The following KIF5C variants were observed in gnomAD, a reference collection of about 807,000 sequenced individuals.
The protein encoded by KIF5C is kinesin family member 5C.
In KIF5C, 18 loss-of-function variants were observed where a neutral mutation model predicts 125.2. The observed-to-expected ratio is 0.14, with a 90% CI of 0.10 to 0.21. The LOEUF (loss-of-function observed/expected upper bound fraction) is 0.21, where lower values mean the gene tolerates loss of function less well. Among genes scored for constraint, KIF5C ranks in the 10% least tolerant of loss-of-function variants. The probability of loss-of-function intolerance (pLI) is 1.00; values close to 1 mark genes in which losing one functional copy is unlikely to be tolerated. For missense variants in KIF5C, 780 were observed against 1,183.8 expected, an observed-to-expected ratio of 0.66 and a Z score of 5.01; for synonymous variants, 405 against 434.0, an observed-to-expected ratio of 0.93 and a Z score of 0.83.
intron 1 of KIF5C, among the ~76,000 whole-genome samples, chr2:148,905,821 G>T (rs1449845235): frequency 6.6e-6 from 1 of 152,136 alleles, no homozygotes. Context: ...GTTCTGCATG[G>T]CTGGGGAGGC....
At chr2:148,892,301 A>G (rs1047670449) in intron 1 of KIF5C, among the ~76,000 whole-genome samples, 7 of 152,228 alleles carry the variant, frequency 4.6e-5, no homozygotes, top group African/African-American at 1.7e-4. Context: ...TTTGATGTCA[A>G]TCAAATGTGA....
At chr2:148,985,537 T>C (rs1681357635) in intron 15 of KIF5C, among the ~76,000 whole-genome samples, 1 of 152,230 alleles carries the variant, frequency 6.6e-6, no homozygotes, top group Admixed American at 6.5e-5. Context: ...TTTATAATAA[T>C]ACAGCATCTT....
chr2:148,944,834 A>G (rs1023115336), intron 7 of KIF5C, among the ~76,000 whole-genome samples: 2 of 152,134 alleles, frequency 1.3e-5, no homozygotes, highest in African/African-American at 4.8e-5. Context: ...TTATTTTTAT[A>G]ATAGCCATCC....
intron 7 of KIF5C, among the ~76,000 whole-genome samples, chr2:148,943,114 A>G (rs1247172556): frequency 6.6e-6 from 1 of 152,208 alleles, no homozygotes; most frequent in East Asian, 1.9e-4. Context: ...GTTATTGTTC[A>G]GGTTAAAAAA....
chr2:148,955,001 A>G (rs1287849021), intron 10 of KIF5C, among the ~76,000 whole-genome samples: 1 of 152,218 alleles, frequency 6.6e-6, no homozygotes, highest in Admixed American at 6.5e-5. Flanking sequence ...CATACATTTA[A>G]CTAGATGCCA....
intron 10 of KIF5C, among the ~76,000 whole-genome samples, chr2:148,952,911 G>A (rs918544339): frequency 4.6e-5 from 7 of 152,104 alleles, no homozygotes; most frequent in African/African-American, 1.7e-4. Context: ...AGTAGTAGAT[G>A]GGACTAGACT....
At chr2:148,994,624 C>T (rs193196123) in intron 17 of KIF5C, 86 bp downstream of exon 17, 3 of 1,455,050 alleles carry the variant, frequency 2.1e-6, no homozygotes, top group East Asian at 2.6e-5. Flanking sequence ...TGTTTAGTTT[C>T]GTTCAGTTAA....
chr2:148,987,246 G>A (rs1389143766), intron 15 of KIF5C, among the ~76,000 whole-genome samples: 1 of 152,220 alleles, frequency 6.6e-6, no homozygotes, highest in African/African-American at 2.4e-5. Flanking sequence ...AGGAAAACAT[G>A]TATGCAACAT....
rs545513592 is a variant in KIF5C, at chr2:149,025,086, A to G, written c.*2016A>G. The G allele has an allele frequency of 2.6e-5, 4 of 152,698 alleles. No homozygotes were observed. Among genetic ancestry groups the G allele is most frequent in the Non-Finnish European group, 5.9e-5 (4 of 68,028 alleles). 9.5% of individuals were successfully genotyped at this position (152,698 alleles called of 1,614,324 possible). A position where few individuals can be genotyped will look rare whatever the true frequency, so the allele number is the denominator to read the frequency against. On this transcript the variant is annotated 3_prime_UTR_variant, in exon 26 of 26. Coordinates refer to ENST00000435030, the MANE Select transcript of KIF5C (RefSeq NM_004522.3). ...TCCATCATAAAATAGATTGTTTTAGATTCTTTCCAGGGTGATTTTTCCCTG... is the reference window on the plus strand; with the variant it reads ...TCCATCATAAAATAGATTGTTTTAGGTTCTTTCCAGGGTGATTTTTCCCTG...
At chr2:148,899,668 T>A (rs11904160) in intron 1 of KIF5C, among the ~76,000 whole-genome samples, 1,749 of 126,916 alleles carry the variant, frequency 0.014, 31 homozygotes, top group African/African-American at 0.052. Flanking sequence ...GCGCCACTGC[T>A]CTCCGCCTGG....
intron 17 of KIF5C, among the ~76,000 whole-genome samples, chr2:148,995,537 A>G (rs752294813): frequency 1.3e-5 from 2 of 152,260 alleles, no homozygotes; most frequent in South Asian, 4.1e-4. Flanking sequence ...GTGCCATGCA[A>G]TGTGAAACTA....
intron 25 of KIF5C, among the ~76,000 whole-genome samples, chr2:149,018,163 C>T (rs1424219750): frequency 6.6e-6 from 1 of 151,154 alleles, no homozygotes; most frequent in African/African-American, 2.5e-5. Flanking sequence ...GTAGTGCATG[C>T]CTGTAGCTCC....
intron 10 of KIF5C, among the ~76,000 whole-genome samples, chr2:148,955,038 G>A (rs1380722980): frequency 1.3e-5 from 2 of 152,152 alleles, no homozygotes; most frequent in African/African-American, 4.8e-5. Context: ...ATTTCTGAAT[G>A]TTTCTCAGGA....
Position 148,962,109 on chromosome 2 carries a change from G to A in KIF5C, c.1107G>A (p.Arg369=), listed in dbSNP as rs565198762. 6 of 1,606,678 alleles carry A rather than the reference G, an allele frequency of 3.7e-6. No individual in the cohort carries two copies. The African/African-American group carries it at 4.0e-5, about 11-fold the overall frequency. The stretch of plus-strand genomic sequence containing the variant: ...AGCATCTGGAGATGGAGCTAAACAG[G>A]TGGAGGAATGGTAAGGAAAAGTAAG... ...VIQHLEMELN[R]WRNGEAVPED... is the part of the protein sequence containing the mutation. The change falls in exon 11 of 26, where the codon AGG becomes AGA. Residue 369 remains arginine, a synonymous_variant. Coordinates refer to ENST00000435030, the MANE Select transcript of KIF5C (RefSeq NM_004522.3).
chr2:148,909,295 C>T (rs1452631353), intron 1 of KIF5C, among the ~76,000 whole-genome samples: 1 of 152,238 alleles, frequency 6.6e-6, no homozygotes, highest in Non-Finnish European at 1.5e-5. Flanking sequence ...GCCTGCAGTG[C>T]CCTGCCGCTG....
intron 22 of KIF5C, 34 bp from the exon 23 acceptor site, chr2:149,007,929 A>G: frequency 1.3e-6 from 2 of 1,535,050 alleles, no homozygotes; most frequent in Non-Finnish European, 1.8e-6. Context: ...GGTGGGTGAC[A>G]GCCTGTCCTG....
rs369588869 is a variant in KIF5C at position 149,017,586 on chromosome 2, C to T, written c.*8-5492C>T. ...GTTCAAATGTCTCCACCAGATGGCGCCAGTAGGGCATTGCTGAAACCTTAG... is the reference window on the plus strand; with the variant it reads ...GTTCAAATGTCTCCACCAGATGGCGTCAGTAGGGCATTGCTGAAACCTTAG... On this transcript the variant is annotated intron_variant, in intron 25 of 25. Transcript: ENST00000435030. 2.2e-4 allele frequency among the ~76,000 whole-genome samples: 33 copies of T among 152,254 alleles called. No individual in the cohort carries two copies. In the South Asian group the frequency reaches 6.8e-3, roughly 32 times the overall value.
chr2:148,997,113 T>C, intron 17 of KIF5C, 151 bp from the exon 18 acceptor site: 1 of 1,338,560 alleles, frequency 7.5e-7, no homozygotes, highest in Non-Finnish European at 1.0e-6. Flanking sequence ...CAGAAGTCCT[T>C]GCCTGTTCCT....
At chr2:148,878,505 G>C (rs1316603091) in intron 1 of KIF5C, 1 of 152,206 alleles carries the variant, frequency 6.6e-6, no homozygotes, top group Non-Finnish European at 1.5e-5. Flanking sequence ...GTGCTGCTAT[G>C]AACATTCGTT....
Sources: allele counts gnomAD v4.1 joint callset (sites outside exome capture counted in the v4.1 genomes callset), GRCh38; gene constraint gnomAD v4.1.1; transcripts MANE v1.5; gene names NCBI Gene and HGNC (gene_info 2026-07-23, HGNC 2026-07-21).